ATP1A4: variants seen among roughly 807,000 people sequenced by gnomAD.
ATP1A4 encodes the protein sodium/potassium-transporting ATPase subunit alpha-4.
In ATP1A4, 90 loss-of-function variants were observed where a neutral mutation model predicts 114.3. The ratio of observed to expected loss-of-function variants is 0.79; its 90% CI spans 0.66 to 0.94. ATP1A4 has a LOEUF of 0.94. ATP1A4 is among the 40% of genes least tolerant of loss of function. ATP1A4 has a pLI of 0.00. For missense variants in ATP1A4, 1,222 were observed against 1,313.6 expected (o/e 0.93, Z 1.08); for synonymous variants, 511 against 494.1 (o/e 1.03, Z -0.45).
At position 160,164,155 on chromosome 1, in the gene ATP1A4, G is replaced by A; in HGVS notation, c.779-1G>A. The stretch of plus-strand genomic sequence containing the variant: ...ATTGCCCTCTCCTGCTTCATCCACA[G>A]GAACCGCCCGGGGTATTGTGATTGC... On this transcript the variant is annotated splice_acceptor_variant, in intron 6 of 21. Coordinates refer to ENST00000368081, the MANE Select transcript of ATP1A4 (RefSeq NM_144699.4). LOFTEE classifies it high-confidence loss of function. 6.2e-7 allele frequency: 1 copy of A among 1,613,488 alleles called. No individual in the cohort carries two copies. The highest frequency in any genetic ancestry group is 8.5e-7 in the Non-Finnish European group (1 of 1,179,496).
rs981013507 is a variant in ATP1A4, at chr1:160,164,298, C to T, written c.921C>T (p.Ala307=). The part of the protein sequence containing the change: ...EHFIHLITVV[A]VFLGVTFFAL... Reference sequence around the variant, plus strand: ...TCATCCATCTGATCACTGTGGTGGCCGTCTTCCTTGGTGTCACTTTTTTTG... The same window carrying T: ...TCATCCATCTGATCACTGTGGTGGCTGTCTTCCTTGGTGTCACTTTTTTTG... The change falls in exon 7 of 22, where the codon GCC becomes GCT. Residue 307 remains alanine (A), a synonymous_variant. Transcript: ENST00000368081. 4.3e-6 allele frequency: 7 copies of T among 1,614,024 alleles called. No individual in the cohort carries two copies. The highest frequency in any genetic ancestry group is 4.0e-5 in the African/African-American group (3 of 74,894).
chr1:160,153,577 G>A (rs990009757), intron 2 of ATP1A4, among the ~76,000 whole-genome samples: 1 of 152,152 alleles, frequency 6.6e-6, no homozygotes, highest in Non-Finnish European at 1.5e-5. Context: ...AATTAAAATT[G>A]AGAGTTTTAA....
intron 3 of ATP1A4, 150 bp downstream of exon 3, chr1:160,155,398 A>C: frequency 1.8e-6 from 1 of 546,548 alleles, no homozygotes; most frequent in Non-Finnish European, 3.2e-6. Flanking sequence ...ATGTACATTA[A>C]TTATAAATGT....
chr1:160,160,619 T>C (rs6694533), intron 6 of ATP1A4, among the ~76,000 whole-genome samples: 6,665 of 152,192 alleles, frequency 0.044, 386 homozygotes, highest in African/African-American at 0.13. Flanking sequence ...CTATTTTACA[T>C]GTAGCAGACT....
intron 6 of ATP1A4, among the ~76,000 whole-genome samples, chr1:160,160,250 T>C (rs146306090): frequency 3.4e-4 from 52 of 152,190 alleles, no homozygotes; most frequent in African/African-American, 9.2e-4. Context: ...AGAGTCTCTC[T>C]CTGTTGCTCA....
Position 160,156,098 on chromosome 1 carries a change from C to T in ATP1A4, c.465C>T (p.Ser155=). The part of the protein sequence containing the change: ...SVVVIVTGCF[S]YYQEAKSSKI... ...TGGTCATCGTCACTGGCTGCTTCTCCTATTATCAGGAGGCCAAGAGCTCCA... is the reference window on the plus strand; with the variant it reads ...TGGTCATCGTCACTGGCTGCTTCTCTTATTATCAGGAGGCCAAGAGCTCCA... The change falls in exon 4 of 22, where the codon TCC becomes TCT. Residue 155 remains serine, a synonymous_variant. Transcript: ENST00000368081. The T allele has an allele frequency of 6.2e-7, 1 of 1,614,094 alleles. No homozygotes were observed. The highest frequency in any genetic ancestry group is 8.5e-7 in the Non-Finnish European group (1 of 1,179,962).
At chr1:160,171,131 G>A in intron 10 of ATP1A4, 120 bp from the exon 11 acceptor site, 2 of 888,586 alleles carry the variant, frequency 2.3e-6, no homozygotes, top group Non-Finnish European at 3.5e-6. Context: ...GGGAGGGGAG[G>A]GAACAAAAGA....
chr1:160,178,651 G>A (rs751323821), intron 18 of ATP1A4, among the ~76,000 whole-genome samples: 2 of 151,816 alleles, frequency 1.3e-5, no homozygotes, highest in Non-Finnish European at 2.9e-5. Flanking sequence ...CTCCAGCCTG[G>A]CAACAGAGCG....
intron 18 of ATP1A4, among the ~76,000 whole-genome samples, chr1:160,180,286 G>A (rs1653633200): frequency 1.3e-5 from 2 of 152,188 alleles, no homozygotes; most frequent in South Asian, 4.1e-4. Context: ...GTACCACTTT[G>A]CCACATCCCG....
intron 3 of ATP1A4, among the ~76,000 whole-genome samples, chr1:160,155,475 A>T (rs909709485): frequency 7.9e-5 from 12 of 152,130 alleles, no homozygotes; most frequent in Non-Finnish European, 1.6e-4. Flanking sequence ...TAATTATAAA[A>T]TGTAATTAAA....
intron 1 of ATP1A4, 141 bp downstream of exon 1, chr1:160,152,328 T>C: frequency 1.1e-6 from 1 of 914,376 alleles, no homozygotes; most frequent in Non-Finnish European, 1.5e-6. Flanking sequence ...AAGGAGAGGG[T>C]TAAAAAAAAA....
At chr1:160,163,902 T>G (rs1266578169) in intron 6 of ATP1A4, among the ~76,000 whole-genome samples, 2 of 151,988 alleles carry the variant, frequency 1.3e-5, no homozygotes, top group Non-Finnish European at 2.9e-5. Context: ...AAGATACTCC[T>G]ATCACCCAGG....
At chr1:160,155,518 A>G (rs1243281931) in intron 3 of ATP1A4, among the ~76,000 whole-genome samples, 1 of 152,152 alleles carries the variant, frequency 6.6e-6, no homozygotes, top group Non-Finnish European at 1.5e-5. Context: ...ACATTACATA[A>G]TAATGTAATA....
Position 160,176,124 on chromosome 1 carries a change from A to G in ATP1A4, c.2344A>G (p.Ile782Val). Reference sequence around the variant, plus strand: ...GATCTTTGACAACCTGAAGAAATCCATCATGTACACCCTGACCAGCAACAT... The same window carrying G: ...GATCTTTGACAACCTGAAGAAATCCGTCATGTACACCCTGACCAGCAACAT... ...RLIFDNLKKSIMYTLTSNIPE... is the reference protein window; with the variant it reads ...RLIFDNLKKSVMYTLTSNIPE... The change falls in exon 16 of 22, where the codon ATC becomes GTC. Residue 782 changes from isoleucine (I) to valine (V), a missense_variant. Transcript: ENST00000368081. The G allele has an allele frequency of 1.2e-6, 2 of 1,614,080 alleles. No individual in the cohort carries two copies. Among genetic ancestry groups the G allele is most frequent in the Non-Finnish European group, 1.7e-6 (2 of 1,179,998 alleles).
chr1:160,155,369 T>C, intron 3 of ATP1A4, 121 bp downstream of exon 3: 1 of 573,648 alleles, frequency 1.7e-6, no homozygotes, highest in South Asian at 2.5e-5. Context: ...ATTATTACAT[T>C]AATGTAATAA....
Position 160,172,286 on chromosome 1 carries a change from G to A in ATP1A4, c.1854+529G>A, listed in dbSNP as rs79441707. ...GTGCTAGAAGATGTCGTGTAAATGT[G>A]CTGCCGAGATGGGCGGTAAAAGGGT... On this transcript the variant is annotated intron_variant, in intron 12 of 21. Transcript: ENST00000368081. Among the ~76,000 whole-genome samples, 49 of 152,298 alleles carry A rather than the reference G, an allele frequency of 3.2e-4. No homozygotes were observed. In the East Asian group the frequency reaches 9.3e-3, roughly 29 times the overall value.
chr1:160,164,169 T>C lies in ATP1A4; in HGVS notation c.792T>C (p.Gly264=), dbSNP rs1472258203. The part of the protein sequence containing the change: ...STNCVEGTAR[G]IVIATGDSTV... ...CTTCATCCACAGGAACCGCCCGGGG[T>C]ATTGTGATTGCTACGGGAGACTCCA... Residue 264 remains glycine (G), a synonymous_variant, in exon 7 of 22, where the codon GGT becomes GGC. Coordinates refer to ENST00000368081, the MANE Select transcript of ATP1A4 (RefSeq NM_144699.4). 3.7e-6 allele frequency: 6 copies of C among 1,613,910 alleles called. No homozygotes were observed.
At chr1:160,155,936 A>G (rs894649429) in intron 3 of ATP1A4, 109 bp from the exon 4 acceptor site, 1 of 691,760 alleles carries the variant, frequency 1.4e-6, no homozygotes. Flanking sequence ...ACTCAGTCTT[A>G]CGGTCTCTTA....
intron 15 of ATP1A4, among the ~76,000 whole-genome samples, chr1:160,175,539 C>T (rs1164065974): frequency 2.6e-5 from 4 of 151,798 alleles, no homozygotes; most frequent in African/African-American, 4.8e-5. Flanking sequence ...GGATGACAAA[C>T]AATAAAATAA....
Sources: gnomAD v4.1 joint callset for allele counts (sites outside exome capture counted in the v4.1 genomes callset) on GRCh38, gnomAD v4.1.1 for gene constraint, MANE v1.5 for transcripts, NCBI Gene and HGNC (gene_info 2026-07-23, HGNC 2026-07-21) for gene names.